Variants in LUZP4 observed in about 807,000 individuals in gnomAD.
LUZP4 encodes the protein leucine zipper protein 4.
A neutral mutation model predicts 8.5 loss-of-function variants in LUZP4; 11 were observed. That is an observed-to-expected ratio of 1.30 (90% CI 0.82 to 2.14). The LOEUF is 2.14. Among genes scored for constraint, LUZP4 ranks in the 30% most tolerant of loss-of-function variants. LUZP4 has a pLI of 0.00. For missense variants in LUZP4, 276 were observed against 229.7 expected (o/e 1.20, Z -1.30); for synonymous variants, 104 against 79.4 (o/e 1.31, Z -1.65).
chrX:115,296,477 G>A (rs1248375679), intron 1 of LUZP4, among the ~76,000 whole-genome samples: 2 of 111,608 alleles, frequency 1.8e-5, no homozygotes, highest in African/African-American at 3.3e-5. Context: ...ACAAAGCCCC[G>A]TGTCTCTGTA....
In LUZP4 at chrX:115,306,782, G is replaced by A. The variant is rs781799086; in HGVS notation, c.920G>A (p.Gly307Asp). ...GAAAGACATCAGAGATACTCAACAG[G>A]TAAAAATACAATAACTACTTAATCA... Reference protein sequence around the residue: ...QSERHQRYSTGKNTITT With the variant: ...QSERHQRYSTDKNTITT The change falls in exon 4 of 4, where the codon GGT becomes GAT. Residue 307 changes from glycine (G) to aspartate (D), a missense_variant. Transcript: ENST00000371920. The A allele has an allele frequency of 8.3e-6, 10 of 1,205,484 alleles. No individual in the cohort carries two copies. Among genetic ancestry groups the A allele is most frequent in the Non-Finnish European group, 1.1e-5 (10 of 890,064 alleles).
chrX:115,293,875 C>T (rs868991769), intron 1 of LUZP4, among the ~76,000 whole-genome samples: 3 of 109,024 alleles, frequency 2.8e-5, no homozygotes, highest in South Asian at 4.1e-4. Flanking sequence ...TGCTTGAACC[C>T]GGGAGGCCGA....
Position 115,307,066 on chromosome X carries a change from G to A in LUZP4, c.*262G>A, listed in dbSNP as rs17326520. ...CGTATGTACTCAGCCTTTCCTATTG[G>A]GCCTTCCCCACAATTAGAATATTTT... On this transcript the variant is annotated 3_prime_UTR_variant, in exon 4 of 4. Transcript: ENST00000371920. 68,826 of 353,017 alleles carry A rather than the reference G, an allele frequency of 0.19. 5,726 individuals carry two copies. Among genetic ancestry groups the A allele is most frequent in the Non-Finnish European group, 0.24 (49,325 of 202,105 alleles). 29.1% of individuals were successfully genotyped at this position (353,017 alleles called of 1,213,427 possible). A position where few individuals can be genotyped will look rare whatever the true frequency, so the allele number is the denominator to read the frequency against.
At chrX:115,290,527 A>G (rs782521461) in intron 1 of LUZP4, among the ~76,000 whole-genome samples, 57 of 111,531 alleles carry the variant, frequency 5.1e-4, no homozygotes, top group African/African-American at 1.7e-3. Context: ...TCCTTTATCA[A>G]GGCCCCTAAC....
At position 115,302,047 on chromosome X, in the gene LUZP4, TA is replaced by T. The variant is rs1333962111; in HGVS notation, c.151del (p.Arg51AspfsTer56). The T allele has an allele frequency of 8.4e-7, 1 of 1,188,014 alleles. No individual in the cohort carries two copies. The highest frequency in any genetic ancestry group is 1.8e-5 in the African/African-American group (1 of 57,082). On this transcript the variant is annotated frameshift_variant, in exon 2 of 4. Coordinates refer to ENST00000371920, the MANE Select transcript of LUZP4 (RefSeq NM_016383.5). LOFTEE classifies it high-confidence loss of function. Reference sequence around the variant, plus strand: ...GGACAAATGCTGAAGAAGAAAAGAATAAAAGACAGAACCATAGTAAAAAGGA... The same window carrying T: ...GGACAAATGCTGAAGAAGAAAAGAATAAAGACAGAACCATAGTAAAAAGGA... ...EGTNAEEEKN[K>X]RQNHSKKESP...
intron 1 of LUZP4, among the ~76,000 whole-genome samples, chrX:115,292,034 C>T (rs373197193): frequency 8.9e-6 from 1 of 112,591 alleles, no homozygotes; most frequent in East Asian, 2.8e-4. Context: ...GATACACCCA[C>T]CTCGGCCTCA....
intron 3 of LUZP4, 32 bp from the exon 4 acceptor site, chrX:115,306,173 C>G: frequency 8.5e-7 from 1 of 1,177,065 alleles, no homozygotes; most frequent in Non-Finnish European, 1.1e-6. Flanking sequence ...GTATATGTTT[C>G]ATTTGTTTTG....
chrX:115,294,651 G>A (rs1449277022), intron 1 of LUZP4, among the ~76,000 whole-genome samples: 2 of 111,652 alleles, frequency 1.8e-5, no homozygotes, highest in Admixed American at 1.9e-4. Flanking sequence ...AACAGCTCAC[G>A]TCAGTCTCTG....
At chrX:115,293,266 T>G (rs1362426930) in intron 1 of LUZP4, among the ~76,000 whole-genome samples, 1 of 110,816 alleles carries the variant, frequency 9.0e-6, no homozygotes, top group Non-Finnish European at 1.9e-5. Flanking sequence ...GTACAGGGTC[T>G]GATCTGATCC....
chrX:115,306,348 C>T lies in LUZP4; in HGVS notation c.486C>T (p.Ser162=). ...QPEENHHSER[S]RNHLERSLSQ... Reference sequence around the variant, plus strand: ...AAGAAAATCATCATTCTGAGCGATCCCGAAACCACTTAGAGAGATCTCTTT... The same window carrying T: ...AAGAAAATCATCATTCTGAGCGATCTCGAAACCACTTAGAGAGATCTCTTT... The change falls in exon 4 of 4, where the codon TCC becomes TCT. Residue 162 remains serine (S), a synonymous_variant. Transcript: ENST00000371920. 3 of 1,211,048 alleles carry T rather than the reference C, an allele frequency of 2.5e-6. No homozygotes were observed. The highest frequency in any genetic ancestry group is 2.2e-6 in the Non-Finnish European group (2 of 895,361).
At position 115,292,721 on chromosome X, in the gene LUZP4, A is replaced by G. The variant is rs182450741; in HGVS notation, c.91+2871A>G. Among the ~76,000 whole-genome samples the G allele has an allele frequency of 1.5e-4, 17 of 111,310 alleles. No individual in the cohort carries two copies. The East Asian group carries it at 4.8e-3, about 32-fold the overall frequency. On this transcript the variant is annotated intron_variant, in intron 1 of 3. Transcript: ENST00000371920. ...TCTGATCTTAGGGAGAAAAGCTTTC[A>G]GTTTTTCACCATTAATCATCATTTT...
chrX:115,295,336 C>G (rs1462864265), intron 1 of LUZP4, among the ~76,000 whole-genome samples: 2 of 112,034 alleles, frequency 1.8e-5, no homozygotes, highest in Non-Finnish European at 3.8e-5. Context: ...GCCTTGGCCT[C>G]CCAAAGTGCT....
chrX:115,304,639 G>A (rs1053572396), intron 3 of LUZP4, among the ~76,000 whole-genome samples: 2 of 109,653 alleles, frequency 1.8e-5, no homozygotes, highest in Non-Finnish European at 3.8e-5. Context: ...AGCCTCCCAA[G>A]TAGCTGGGAC....
rs2073426194 is a variant in LUZP4 at position 115,306,907 on chromosome X, CAT to C, written c.*105_*106del. 1.3e-6 allele frequency: 1 copy of C among 764,766 alleles called. No individual in the cohort carries two copies. Among genetic ancestry groups the C allele is most frequent in the African/African-American group, 2.1e-5 (1 of 47,842 alleles). The allele number at this position is 764,766 out of a possible 1,213,427, so 63.0% of individuals were successfully genotyped here. A position where few individuals can be genotyped will look rare whatever the true frequency, so the allele number is the denominator to read the frequency against. Reference sequence around the variant, plus strand: ...TGAAACATGTATATTGGGACAAAGACATAAATATTAGAATGGAGGTAATACAT... The same window carrying C: ...TGAAACATGTATATTGGGACAAAGACAAATATTAGAATGGAGGTAATACAT... On this transcript the variant is annotated 3_prime_UTR_variant, in exon 4 of 4. Coordinates refer to ENST00000371920, the MANE Select transcript of LUZP4 (RefSeq NM_016383.5).
chrX:115,299,551 G>T (rs2073386440), intron 1 of LUZP4, among the ~76,000 whole-genome samples: 1 of 110,998 alleles, frequency 9.0e-6, no homozygotes, highest in South Asian at 3.9e-4. Context: ...AAAGGCAGAG[G>T]AGCCTCACCC....
At chrX:115,298,964 G>C (rs189749191) in intron 1 of LUZP4, among the ~76,000 whole-genome samples, 8 of 111,322 alleles carry the variant, frequency 7.2e-5, no homozygotes, top group African/African-American at 2.6e-4. Context: ...CCAGATATTT[G>C]AAAGGACTGC....
chrX:115,301,248 A>G (rs1000072216), intron 1 of LUZP4, among the ~76,000 whole-genome samples: 2 of 111,745 alleles, frequency 1.8e-5, no homozygotes, highest in Admixed American at 1.9e-4. Context: ...AGATGCCTTA[A>G]CATGAGTAAA....
intron 1 of LUZP4, among the ~76,000 whole-genome samples, 195 bp downstream of exon 1, chrX:115,290,045 C>T (rs2073341595): frequency 2.7e-5 from 3 of 110,881 alleles, no homozygotes; most frequent in Non-Finnish European, 3.8e-5. Context: ...TCCCTCCTCT[C>T]CTCTTTTTCT....
At chrX:115,294,544 A>G (rs781876160) in intron 1 of LUZP4, among the ~76,000 whole-genome samples, 15 of 111,981 alleles carry the variant, frequency 1.3e-4, no homozygotes, top group African/African-American at 3.9e-4. Flanking sequence ...GGCAAGCTGG[A>G]GAAGTTACCT....
Sources: allele counts gnomAD v4.1 joint callset (sites outside exome capture counted in the v4.1 genomes callset), GRCh38; gene constraint gnomAD v4.1.1; transcripts MANE v1.5; gene names NCBI Gene and HGNC (gene_info 2026-07-23, HGNC 2026-07-21).